BCAS3: variants seen among roughly 807,000 people sequenced by gnomAD.
BCAS3 encodes the protein BCAS4/BCAS3 fusion.
Under a neutral mutation model 116.1 loss-of-function variants are expected in BCAS3, and 53 were observed. The observed-to-expected ratio is 0.46, with a 90% confidence interval of 0.37 to 0.57. BCAS3 has a LOEUF of 0.57. Among genes scored for constraint, BCAS3 ranks in the 20% least tolerant of loss-of-function variants. The pLI is 0.00. For synonymous variants in BCAS3, 391 were observed against 408.2 expected (o/e 0.96, Z 0.51); for missense variants, 917 against 1,165.4 (o/e 0.79, Z 3.10).
At chr17:61,317,792 T>C (rs1257323372) in intron 22 of BCAS3, among the ~76,000 whole-genome samples, 1 of 152,156 alleles carries the variant, frequency 6.6e-6, no homozygotes. Flanking sequence ...ACCTCAGGGA[T>C]AGGACAGAAG....
chr17:60,850,198 T>G (rs1458695416), intron 7 of BCAS3, among the ~76,000 whole-genome samples: 2 of 152,110 alleles, frequency 1.3e-5, no homozygotes, highest in Non-Finnish European at 2.9e-5. Flanking sequence ...TTTCACCCCT[T>G]GAGTTGTACA....
rs71148400 is a variant in BCAS3 at position 61,271,424 on chromosome 17, A to ATTTTTTTT, written c.2426-96897_2426-96890dup. Among the ~76,000 whole-genome samples, 81 of 70,232 alleles carry ATTTTTTTT rather than the reference A, an allele frequency of 1.2e-3. 7 individuals carry two copies. Among genetic ancestry groups the ATTTTTTTT allele is most frequent in the African/African-American group, 3.7e-3 (65 of 17,750 alleles). 46.1% of individuals were successfully genotyped at this position (70,232 alleles called of 152,430 possible). ...TACAGGTGTAAGCCACCATGCCCGGATTTTTTTTTTTTTGTCTTAGGTGGA... is the reference window on the plus strand; with the variant it reads ...TACAGGTGTAAGCCACCATGCCCGGATTTTTTTTTTTTTTTTTTTTTGTCTTAGGTGGA... On this transcript the variant is annotated intron_variant, in intron 22 of 23. Transcript: ENST00000407086.
chr17:61,270,154 C>G (rs1239216924), intron 22 of BCAS3, among the ~76,000 whole-genome samples: 1 of 124,500 alleles, frequency 8.0e-6, no homozygotes, highest in Non-Finnish European at 1.6e-5. Context: ...GAGTCTGGCT[C>G]TGTCACCCAG....
chr17:60,678,528 G>A (rs1430133646), intron 1 of BCAS3, among the ~76,000 whole-genome samples: 1 of 152,174 alleles, frequency 6.6e-6, no homozygotes, highest in East Asian at 1.9e-4. Flanking sequence ...AGAGGGTCAT[G>A]AAACATTCTA....
In BCAS3 at chr17:61,088,423, C is replaced by A. The variant is rs2073260826; in HGVS notation, c.2425+3859C>A. Among the ~76,000 whole-genome samples, 1 of 152,178 alleles carries A rather than the reference C, an allele frequency of 6.6e-6. No individual in the cohort carries two copies. Among genetic ancestry groups the A allele is most frequent in the African/African-American group, 2.4e-5 (1 of 41,448 alleles). ...ATGAATCATTGATAGTATTTCTAGC[C>A]AAAGCACTGCATCAATTTATTCATT... On this transcript the variant is annotated intron_variant, in intron 22 of 23. Transcript: ENST00000407086. This position sits in a 1 kb window ranked among gnomAD's most constrained non-coding sequence, Gnocchi z 4.2.
chr17:60,824,593 T>A (rs1394007065), intron 7 of BCAS3, among the ~76,000 whole-genome samples: 1 of 152,236 alleles, frequency 6.6e-6, no homozygotes, highest in Non-Finnish European at 1.5e-5. Flanking sequence ...ACATGACTTT[T>A]TTCTGTGTTC....
intron 6 of BCAS3, among the ~76,000 whole-genome samples, chr17:60,777,452 CCA>C (rs2045411558): frequency 6.6e-6 from 1 of 151,934 alleles, no homozygotes; most frequent in Admixed American, 6.6e-5. Context: ...TGGCAAAACC[CCA>C]CCTCTACTAA....
intron 13 of BCAS3, among the ~76,000 whole-genome samples, chr17:60,925,357 C>G (rs976537215): frequency 3.3e-5 from 5 of 152,164 alleles, no homozygotes; most frequent in Non-Finnish European, 2.9e-5. Context: ...GCGTCTACAT[C>G]ATTTCATCCC....
At chr17:61,164,384 A>G (rs2078358483) in intron 22 of BCAS3, among the ~76,000 whole-genome samples, 2 of 152,096 alleles carry the variant, frequency 1.3e-5, no homozygotes, top group Non-Finnish European at 2.9e-5. Flanking sequence ...TGGGCATGGT[A>G]GTTCACACCT....
At chr17:60,782,048 A>G (rs2045881794) in intron 6 of BCAS3, among the ~76,000 whole-genome samples, 1 of 152,184 alleles carries the variant, frequency 6.6e-6, no homozygotes, top group African/African-American at 2.4e-5. Flanking sequence ...AACTTTCACA[A>G]AAGCAAAAGA....
At chr17:61,266,471 C>T (rs570869280) in intron 22 of BCAS3, among the ~76,000 whole-genome samples, 1 of 152,220 alleles carries the variant, frequency 6.6e-6, no homozygotes, top group South Asian at 2.1e-4. Flanking sequence ...AATTAGTTTC[C>T]AAAGAAACCT....
rs907535037 is a variant in BCAS3, at chr17:61,082,538, A to G, written c.2328-1929A>G. On this transcript the variant is annotated intron_variant, in intron 21 of 23. Transcript: ENST00000407086. This position sits in a 1 kb window ranked among gnomAD's most constrained non-coding sequence, Gnocchi z 5.1. ...GGATTATTCAGAAACCCCAATATAA[A>G]TTGACTAACTATAGGAGTTGTATTA... 7.2e-5 allele frequency among the ~76,000 whole-genome samples: 11 copies of G among 152,200 alleles called. No individual in the cohort carries two copies. The highest frequency in any genetic ancestry group is 2.4e-4 in the African/African-American group (10 of 41,444).
At chr17:60,851,438 G>T in intron 7 of BCAS3, 1 of 461,452 alleles carries the variant, frequency 2.2e-6, no homozygotes, top group South Asian at 1.7e-5. Context: ...AGGCCAAGAG[G>T]AGATCGCCGC....
At chr17:60,881,511 A>G (rs536073460) in intron 9 of BCAS3, among the ~76,000 whole-genome samples, 1 of 151,554 alleles carries the variant, frequency 6.6e-6, no homozygotes, top group East Asian at 2.0e-4. Context: ...ACATATGTAT[A>G]CATGTGCCAT....
At chr17:60,832,292 T>G (rs2051007634) in intron 7 of BCAS3, among the ~76,000 whole-genome samples, 1 of 152,216 alleles carries the variant, frequency 6.6e-6, no homozygotes, top group Non-Finnish European at 1.5e-5. Context: ...GCTGAACTTT[T>G]TACCCTAATT....
chr17:61,110,675 C>A (rs1231099954), intron 22 of BCAS3, among the ~76,000 whole-genome samples: 1 of 149,688 alleles, frequency 6.7e-6, no homozygotes, highest in Non-Finnish European at 1.5e-5. Context: ...GAGGGGCGCC[C>A]GCCATTGCCC....
chr17:61,268,862 A>G (rs1405135375), intron 22 of BCAS3, among the ~76,000 whole-genome samples: 1 of 151,336 alleles, frequency 6.6e-6, no homozygotes, highest in African/African-American at 2.4e-5. Flanking sequence ...CCAGCCAGTA[A>G]TTGTCTTTTT....
Position 61,348,165 on chromosome 17 carries a change from C to G in BCAS3, c.2426-20162C>G, listed in dbSNP as rs1056185041. Among the ~76,000 whole-genome samples the G allele has an allele frequency of 1.3e-5, 2 of 152,136 alleles. No individual in the cohort carries two copies. Among genetic ancestry groups the G allele is most frequent in the Non-Finnish European group, 2.9e-5 (2 of 68,046 alleles). Reference sequence around the variant, plus strand: ...AAAGTAGGAGACAAATTCAAGAGGGCTTGGGAAGTAAAATCCACAGGACTT... The same window carrying G: ...AAAGTAGGAGACAAATTCAAGAGGGGTTGGGAAGTAAAATCCACAGGACTT... On this transcript the variant is annotated intron_variant, in intron 22 of 23. Coordinates refer to ENST00000407086, the MANE Select transcript of BCAS3 (RefSeq NM_017679.5). This position sits in a 1 kb window ranked among gnomAD's most constrained non-coding sequence, Gnocchi z 4.5.
intron 22 of BCAS3, among the ~76,000 whole-genome samples, chr17:61,236,730 C>G (rs1333153827): frequency 6.6e-6 from 1 of 150,754 alleles, no homozygotes; most frequent in Non-Finnish European, 1.5e-5. Flanking sequence ...AAATAGGTTT[C>G]AAAATGTTGT....
Sources: allele counts gnomAD v4.1 joint callset (sites outside exome capture counted in the v4.1 genomes callset), GRCh38; gene constraint gnomAD v4.1.1; non-coding constraint Gnocchi (gnomAD v3.1); transcripts MANE v1.5; gene names NCBI Gene and HGNC (gene_info 2026-07-23, HGNC 2026-07-21).